FBXL2: variants seen among roughly 807,000 people sequenced by gnomAD.
The protein encoded by FBXL2 is F-box/LRR-repeat protein 2.
In FBXL2, 38 loss-of-function variants were observed where a neutral mutation model predicts 69.2. The ratio of observed to expected loss-of-function variants is 0.55; its 90% CI spans 0.42 to 0.72. FBXL2 has a LOEUF of 0.72. Among genes scored for constraint, FBXL2 ranks in the 30% least tolerant of loss-of-function variants. FBXL2 has a pLI of 0.00. For synonymous variants in FBXL2, 192 were observed against 201.3 expected, an observed-to-expected ratio of 0.95 and a Z score of 0.39; for missense variants, 354 against 520.3, an observed-to-expected ratio of 0.68 and a Z score of 3.11.
chr3:33,280,776 C>T (rs1006180692), intron 1 of FBXL2, among the ~76,000 whole-genome samples: 2 of 148,648 alleles, frequency 1.3e-5, no homozygotes, highest in Non-Finnish European at 1.5e-5. Context: ...AATTTTAATT[C>T]ATATGGAACA....
At chr3:33,394,514 A>G (rs2043892344) in intron 12 of FBXL2, among the ~76,000 whole-genome samples, 1 of 133,420 alleles carries the variant, frequency 7.5e-6, no homozygotes, top group Admixed American at 8.3e-5. Flanking sequence ...AGCCCCAGCC[A>G]CATTCCAGTG....
At chr3:33,329,554 TTA>T (rs2038989460) in intron 2 of FBXL2, among the ~76,000 whole-genome samples, 1 of 151,586 alleles carries the variant, frequency 6.6e-6, no homozygotes, top group Non-Finnish European at 1.5e-5. Flanking sequence ...AGAAAATACG[TTA>T]TATATACATA....
intron 9 of FBXL2, 50 bp downstream of exon 9, chr3:33,373,971 A>G (rs777197557): frequency 6.3e-6 from 10 of 1,586,876 alleles, no homozygotes; most frequent in South Asian, 2.2e-5. Context: ...TTGTCTCCCA[A>G]AGCAGTCTGC....
chr3:33,351,480 A>G (rs2040824882), intron 2 of FBXL2, among the ~76,000 whole-genome samples: 1 of 152,214 alleles, frequency 6.6e-6, no homozygotes, highest in South Asian at 2.1e-4. Flanking sequence ...GATCTATATG[A>G]GGAAAACTAC....
At chr3:33,356,318 A>G (rs1014985483) in intron 2 of FBXL2, among the ~76,000 whole-genome samples, 1 of 152,146 alleles carries the variant, frequency 6.6e-6, no homozygotes, top group African/African-American at 2.4e-5. Flanking sequence ...CTGGGAAGTG[A>G]TCCCGAGAAT....
At chr3:33,402,502 C>A (rs749414392) in intron 12 of FBXL2, among the ~76,000 whole-genome samples, 4 of 152,188 alleles carry the variant, frequency 2.6e-5, no homozygotes, top group African/African-American at 4.8e-5. Flanking sequence ...CCTATAGACA[C>A]TGTTAATGTT....
At chr3:33,288,701 A>G (rs898292608) in intron 1 of FBXL2, among the ~76,000 whole-genome samples, 2 of 152,180 alleles carry the variant, frequency 1.3e-5, no homozygotes. Context: ...AAGAGAGGGT[A>G]GTGTGGTAGG....
At chr3:33,279,273 C>CTTT (rs1013591676) in intron 1 of FBXL2, among the ~76,000 whole-genome samples, 1 of 142,308 alleles carries the variant, frequency 7.0e-6, no homozygotes, top group Non-Finnish European at 1.5e-5. Context: ...AAACTGTATT[C>CTTT]TTTTTTTTTT....
intron 1 of FBXL2, among the ~76,000 whole-genome samples, chr3:33,282,138 T>A (rs2034081921): frequency 6.6e-6 from 1 of 152,134 alleles, no homozygotes; most frequent in African/African-American, 2.4e-5. Flanking sequence ...ATGTCTTGAG[T>A]GGTATTGCCT....
At chr3:33,352,506 T>C (rs1030822914) in intron 2 of FBXL2, among the ~76,000 whole-genome samples, 5 of 152,202 alleles carry the variant, frequency 3.3e-5, no homozygotes, top group African/African-American at 9.7e-5. Context: ...AAGGCACTAT[T>C]AAGAGAATGA....
downstream of FBXL2, chr3:33,390,254 G>A: frequency 7.0e-7 from 1 of 1,428,630 alleles, no homozygotes; most frequent in Non-Finnish European, 9.8e-7. Flanking sequence ...CCAATCCCAA[G>A]ACTTCTTGGA....
intron 2 of FBXL2, among the ~76,000 whole-genome samples, chr3:33,326,804 C>A (rs1464939170): frequency 6.6e-6 from 1 of 152,170 alleles, no homozygotes; most frequent in African/African-American, 2.4e-5. Context: ...GGAGGTATTA[C>A]CCTAAGTTAG....
the FBXL2 span, among the ~76,000 whole-genome samples, chr3:33,421,422 G>A: frequency 0.029 from 4,467 of 152,218 alleles, 104 homozygotes; most frequent in Non-Finnish European, 0.046. Flanking sequence ...ACAGGCGTGC[G>A]CCACCATGCT....
intron 1 of FBXL2, among the ~76,000 whole-genome samples, chr3:33,285,479 T>G (rs1388373394): frequency 6.6e-6 from 1 of 152,218 alleles, no homozygotes; most frequent in African/African-American, 2.4e-5. Flanking sequence ...TAACATTTTT[T>G]CCTTCATTTC....
intron 13 of FBXL2, 148 bp downstream of exon 13, chr3:33,378,889 G>A: frequency 7.0e-7 from 1 of 1,427,416 alleles, no homozygotes; most frequent in Non-Finnish European, 9.3e-7. Context: ...TGGGAGGCAA[G>A]GTATCTAAAT....
At chr3:33,293,636 G>T (rs2035465681) in intron 1 of FBXL2, among the ~76,000 whole-genome samples, 1 of 145,010 alleles carries the variant, frequency 6.9e-6, no homozygotes, top group Non-Finnish European at 1.5e-5. Flanking sequence ...CTAATTGCTA[G>T]AAAGTTTTTT....
intron 2 of FBXL2, among the ~76,000 whole-genome samples, chr3:33,334,626 T>G (rs1309928739): frequency 2.0e-5 from 3 of 152,120 alleles, no homozygotes; most frequent in Non-Finnish European, 2.9e-5. Flanking sequence ...CATACAAGTG[T>G]TTGAACAAAT....
intron 2 of FBXL2, among the ~76,000 whole-genome samples, chr3:33,299,035 A>G (rs994004386): frequency 3.3e-5 from 5 of 150,746 alleles, no homozygotes; most frequent in Non-Finnish European, 5.9e-5. Context: ...AATTTTATTT[A>G]TTTATTTATT....
downstream of FBXL2, chr3:33,392,345 A>C: frequency 2.1e-6 from 1 of 465,212 alleles, no homozygotes; most frequent in Non-Finnish European, 3.7e-6. Context: ...TGGCTGAATG[A>C]ATTGAGATTT....
Sources: gnomAD v4.1 joint callset for allele counts (sites outside exome capture counted in the v4.1 genomes callset) on GRCh38, gnomAD v4.1.1 for gene constraint, MANE v1.5 for transcripts, NCBI Gene and HGNC (gene_info 2026-07-23, HGNC 2026-07-21) for gene names.